ATP10D: variants seen among roughly 807,000 people sequenced by gnomAD.
ATP10D encodes ATPase phospholipid transporting 10D (putative), also known as phospholipid-transporting ATPase VD.
Under a neutral mutation model 144.8 loss-of-function variants are expected in ATP10D, and 89 were observed. That is an observed-to-expected ratio of 0.61 (90% CI 0.52 to 0.73). The LOEUF is 0.73. Among genes scored for constraint, ATP10D ranks in the 30% least tolerant of loss-of-function variants. The probability of loss-of-function intolerance (pLI) is 0.00; values close to 1 mark genes in which losing one functional copy is unlikely to be tolerated. For missense variants in ATP10D, 1,603 were observed against 1,714.8 expected (o/e 0.93, Z 1.15); for synonymous variants, 571 against 615.1 (o/e 0.93, Z 1.06).
At position 47,516,159 on chromosome 4, in the gene ATP10D, G is replaced by C. The variant is rs527609145; in HGVS notation, c.485+489G>C. Among the ~76,000 whole-genome samples the C allele has an allele frequency of 5.9e-5, 9 of 152,160 alleles. 1 individual carries two copies. The highest frequency in any genetic ancestry group is 1.9e-4 in the African/African-American group (8 of 41,506). On this transcript the variant is annotated intron_variant, in intron 3 of 22. Coordinates refer to ENST00000273859, the MANE Select transcript of ATP10D (RefSeq NM_020453.4). ...GCAGGAGAATCGCTTGAACCCAGGA[G>C]GGGGAGGTTGCAGTGAGCCGAGATC...
chr4:47,579,789 G>A (rs1720419222), intron 19 of ATP10D, among the ~76,000 whole-genome samples: 1 of 152,262 alleles, frequency 6.6e-6, no homozygotes, highest in Admixed American at 6.5e-5. Flanking sequence ...AGTCATTGGA[G>A]GGAGTGGAAG....
rs935112829 is a variant in ATP10D at position 47,497,144 on chromosome 4, A to G, written c.-38+11625A>G. ...GCGTGAGCCACCGCACCTGGCCTAT[A>G]AGATATTAATTTAAAAAATAGACCA... On this transcript the variant is annotated intron_variant, in intron 1 of 22. Coordinates refer to ENST00000273859, the MANE Select transcript of ATP10D (RefSeq NM_020453.4). Among the ~76,000 whole-genome samples, 3 of 152,106 alleles carry G rather than the reference A, an allele frequency of 2.0e-5. No individual in the cohort carries two copies. In the South Asian group the frequency reaches 6.2e-4, roughly 31 times the overall value.
chr4:47,510,791 G>T (rs1008324859), intron 1 of ATP10D, among the ~76,000 whole-genome samples: 4 of 152,096 alleles, frequency 2.6e-5, no homozygotes, highest in Non-Finnish European at 4.4e-5. Context: ...TGAGATTGTG[G>T]ACACTAGAGG....
At chr4:47,522,582 T>G (rs1432526103) in intron 3 of ATP10D, among the ~76,000 whole-genome samples, 4 of 152,192 alleles carry the variant, frequency 2.6e-5, no homozygotes, top group Admixed American at 2.0e-4. Context: ...TGTTTGTTTG[T>G]TTTTGTTTGT....
chr4:47,546,525 G>A, intron 9 of ATP10D, 99 bp from the exon 10 acceptor site: 3 of 1,074,360 alleles, frequency 2.8e-6, no homozygotes, highest in Non-Finnish European at 4.2e-6. Context: ...TGAAAGGGGA[G>A]GAGATGGTGT....
intron 1 of ATP10D, chr4:47,491,144 G>A (rs1395778079): frequency 2.3e-5 from 17 of 734,832 alleles, no homozygotes; most frequent in South Asian, 1.8e-4. Context: ...TCCTTCATGC[G>A]TTTCAGGAAG....
chr4:47,515,411 T>G, intron 2 of ATP10D, 65 bp from the exon 3 acceptor site: 1 of 1,304,286 alleles, frequency 7.7e-7, no homozygotes, highest in South Asian at 1.4e-5. Context: ...AATATAGTAC[T>G]TTGCCTCTGA....
chr4:47,585,346 T>C (rs1720736547), intron 21 of ATP10D, among the ~76,000 whole-genome samples: 1 of 152,142 alleles, frequency 6.6e-6, no homozygotes. Context: ...TTAAATCTTT[T>C]TTTATTTCTA....
intron 11 of ATP10D, among the ~76,000 whole-genome samples, chr4:47,555,611 T>C (rs552480078): frequency 2.0e-5 from 3 of 152,270 alleles, no homozygotes; most frequent in Non-Finnish European, 4.4e-5. Context: ...AAGAGGGTAG[T>C]GATGAGAGCA....
chr4:47,533,762 T>G (rs1717684641), intron 5 of ATP10D, among the ~76,000 whole-genome samples: 1 of 152,198 alleles, frequency 6.6e-6, no homozygotes, highest in Admixed American at 6.6e-5. Context: ...GAAAGAAAAG[T>G]ATAACGAACA....
chr4:47,572,097 T>A (rs1719981904), intron 16 of ATP10D, 57 bp from the exon 17 acceptor site: 1 of 1,517,816 alleles, frequency 6.6e-7, no homozygotes, highest in Non-Finnish European at 9.1e-7. Context: ...ATTTGCAACA[T>A]TTACACCCTT....
rs1284689502 is a variant in ATP10D, at chr4:47,550,490, G to A, written c.1635+3628G>A. 2.6e-5 allele frequency among the ~76,000 whole-genome samples: 4 copies of A among 152,222 alleles called. No homozygotes were observed. The South Asian group carries it at 6.2e-4, about 24-fold the overall frequency. ...CAACTTAGTAATGTCATGGGGTTGG[G>A]GGGGGCGGTCCTTGCTCCCAGAGCT... On this transcript the variant is annotated intron_variant, in intron 10 of 22. Coordinates refer to ENST00000273859, the MANE Select transcript of ATP10D (RefSeq NM_020453.4).
At chr4:47,535,487 T>G (rs779767424) in intron 5 of ATP10D, 22 bp from the exon 6 acceptor site, 1 of 1,581,566 alleles carries the variant, frequency 6.3e-7, no homozygotes, top group African/African-American at 1.4e-5. Flanking sequence ...AAAAGTGAAT[T>G]TATATGCTGT....
intron 12 of ATP10D, 96 bp from the exon 13 acceptor site, chr4:47,558,827 G>A (rs1273574485): frequency 1.0e-6 from 1 of 998,198 alleles, no homozygotes. Flanking sequence ...TTTTTTATTT[G>A]TTTTTTTAGT....
intron 16 of ATP10D, among the ~76,000 whole-genome samples, chr4:47,569,348 A>G (rs1490017177): frequency 6.6e-6 from 1 of 152,038 alleles, no homozygotes; most frequent in Non-Finnish European, 1.5e-5. Flanking sequence ...GGTAATAGGG[A>G]TGTGACATGG....
chr4:47,568,750 A>G (rs1719774635), intron 15 of ATP10D, 87 bp from the exon 16 acceptor site: 1 of 1,139,012 alleles, frequency 8.8e-7, no homozygotes, highest in Non-Finnish European at 1.3e-6. Flanking sequence ...TTGATTCAGC[A>G]ATTGCTAAAA....
intron 11 of ATP10D, among the ~76,000 whole-genome samples, 179 bp from the exon 12 acceptor site, chr4:47,557,484 TA>T (rs1015271148): frequency 1.1e-4 from 16 of 152,254 alleles, no homozygotes; most frequent in Non-Finnish European, 1.9e-4. Flanking sequence ...GAATAGTTAT[TA>T]AAAAACAAAT....
intron 1 of ATP10D, among the ~76,000 whole-genome samples, chr4:47,509,002 T>C (rs961950415): frequency 2.0e-5 from 3 of 152,154 alleles, no homozygotes; most frequent in African/African-American, 7.2e-5. Context: ...TTTTCCTCAA[T>C]ATTTATGTGG....
intron 1 of ATP10D, chr4:47,491,544 C>T: frequency 6.6e-6 from 3 of 454,520 alleles, no homozygotes; most frequent in Non-Finnish European, 1.2e-5. Flanking sequence ...ATATCACAGT[C>T]TTCTCAGATA....
Sources: allele counts gnomAD v4.1 joint callset (sites outside exome capture counted in the v4.1 genomes callset), GRCh38; gene constraint gnomAD v4.1.1; transcripts MANE v1.5; gene names NCBI Gene and HGNC (gene_info 2026-07-23, HGNC 2026-07-21).